The following RCOR3 variants were observed in gnomAD, a reference collection of about 807,000 sequenced individuals.
RCOR3 encodes the protein REST corepressor 3.
Under a neutral mutation model 64.1 loss-of-function variants are expected in RCOR3, and 13 were observed. The ratio of observed to expected loss-of-function variants is 0.20; its 90% CI spans 0.13 to 0.32. The LOEUF is 0.32. Ranked by LOEUF, RCOR3 falls within the 10% of genes least tolerant of loss-of-function variation. RCOR3 has a pLI of 1.00. For missense variants in RCOR3, 489 were observed against 701.2 expected, an observed-to-expected ratio of 0.70 and a Z score of 3.42; for synonymous variants, 215 against 239.0, an observed-to-expected ratio of 0.90 and a Z score of 0.93.
chr1:211,299,668 C>T (rs1273953466), intron 9 of RCOR3, among the ~76,000 whole-genome samples: 1 of 152,188 alleles, frequency 6.6e-6, no homozygotes, highest in African/African-American at 2.4e-5. Flanking sequence ...ATGCCGAATT[C>T]ACTAAGCGTG....
intron 5 of RCOR3, among the ~76,000 whole-genome samples, chr1:211,277,574 A>G (rs1464038120): frequency 1.3e-5 from 2 of 152,246 alleles, no homozygotes; most frequent in African/African-American, 2.4e-5. Context: ...AAAAGGTCAC[A>G]TATTGTATGA....
chr1:211,300,071 C>CTTTTTTTT (rs11419492), intron 9 of RCOR3, among the ~76,000 whole-genome samples: 5 of 121,294 alleles, frequency 4.1e-5, no homozygotes, highest in South Asian at 2.7e-4. Context: ...TTCTTTCTTT[C>CTTTTTTTT]TTTTTTTTTT....
Position 211,259,501 on chromosome 1 carries a change from C to T in RCOR3, c.-60C>T, listed in dbSNP as rs1440937783. The T allele has an allele frequency of 3.3e-6, 5 of 1,515,336 alleles. No homozygotes were observed. In the African/African-American group the frequency reaches 4.3e-5, roughly 13 times the overall value. 93.9% of individuals were successfully genotyped at this position (1,515,336 alleles called of 1,614,324 possible). On this transcript the variant is annotated 5_prime_UTR_variant, in exon 1 of 12. Transcript: ENST00000419091. ...CCCTCCCGCCCGCGCTCTAAGCCAT[C>T]TCCGCCTTCACCCTGACGCCTGCCT...
At chr1:211,291,594 CA>C (rs774231490) in intron 8 of RCOR3, 9 of 456,106 alleles carry the variant, frequency 2.0e-5, no homozygotes, top group Middle Eastern at 3.3e-4. Flanking sequence ...ATTCTGCTTA[CA>C]AAATGTAAGA....
rs1453506074 is a variant in RCOR3, at chr1:211,314,337, T to A, written c.*569T>A. The A allele has an allele frequency of 2.6e-5, 4 of 152,320 alleles. No individual in the cohort carries two copies. The East Asian group carries it at 7.7e-4, about 29-fold the overall frequency. 9.4% of individuals were successfully genotyped at this position (152,320 alleles called of 1,614,324 possible). A position where few individuals can be genotyped will look rare whatever the true frequency, so the allele number is the denominator to read the frequency against. On this transcript the variant is annotated 3_prime_UTR_variant, in exon 12 of 12. Transcript: ENST00000419091. ...TCCCTTCTTTCAAAAAATGTTGCTTTTTTTTTTAAAGGAATTTTAATATAT... is the reference window on the plus strand; with the variant it reads ...TCCCTTCTTTCAAAAAATGTTGCTTATTTTTTTAAAGGAATTTTAATATAT...
chr1:211,308,698 T>TTTTTTTTTTTTTTTTTTTTTTTGTG (rs1701171863), intron 10 of RCOR3, among the ~76,000 whole-genome samples: 2 of 40,846 alleles, frequency 4.9e-5, no homozygotes, highest in African/African-American at 1.4e-4. Context: ...TTTTTTTTTT[T>TTTTTTTTTTTTTTTTTTTTTTTGTG]TGTGTAGTCC....
chr1:211,260,274 T>G, intron 2 of RCOR3, 110 bp downstream of exon 2: 1 of 931,636 alleles, frequency 1.1e-6, no homozygotes. Flanking sequence ...GGGGTTGGGC[T>G]GGGCAGGCAT....
chr1:211,284,270 C>T (rs1049582456), intron 7 of RCOR3, among the ~76,000 whole-genome samples: 6 of 151,542 alleles, frequency 4.0e-5, no homozygotes, highest in African/African-American at 1.2e-4. Context: ...TTAGTAGAGA[C>T]GGTGTTTCAC....
rs1169027295 is a variant in RCOR3, at chr1:211,274,626, T to TTA, written c.354+367_354+368dup. On this transcript the variant is annotated intron_variant, in intron 4 of 11. Coordinates refer to ENST00000419091, the MANE Select transcript of RCOR3 (RefSeq NM_001136223.3). ...TAGAACTTTAAAACAAATCTTTTCT[T>TTA]TATAAAAAATTTTAATGATACAGGT... Among the ~76,000 whole-genome samples, 7 of 152,196 alleles carry TTA rather than the reference T, an allele frequency of 4.6e-5. No individual in the cohort carries two copies. In the East Asian group the frequency reaches 1.2e-3, roughly 25 times the overall value.
At position 211,278,144 on chromosome 1, in the gene RCOR3, G is replaced by A; in HGVS notation, c.544G>A (p.Val182Ile). ...TCCAGATAAGACAATTGCAAGCCTT[G>A]TAAAATATTACTATTCTTGGAAAAA... ...MLPDKTIASL[V>I]KYYYSWKKTR... is the part of the protein sequence containing the mutation. Residue 182 changes from valine to isoleucine, a missense_variant, in exon 6 of 12, where the codon GTA (valine) becomes ATA (isoleucine). Physicochemically the swap from Val to Ile is conservative, Grantham distance 29. Around this residue, in one of 2 missense-constraint regions of RCOR3, gnomAD observed 402 missense variants for 617.0 expected, o/e 0.65. Coordinates refer to ENST00000419091, the MANE Select transcript of RCOR3 (RefSeq NM_001136223.3). 1 of 1,603,896 alleles carries A rather than the reference G, an allele frequency of 6.2e-7. No homozygotes were observed. The highest frequency in any genetic ancestry group is 8.5e-7 in the Non-Finnish European group (1 of 1,176,778).
At chr1:211,300,787 G>A (rs897555903) in intron 9 of RCOR3, among the ~76,000 whole-genome samples, 1 of 152,182 alleles carries the variant, frequency 6.6e-6, no homozygotes, top group African/African-American at 2.4e-5. Context: ...TTTATTGAAT[G>A]TATGCCCCAC....
chr1:211,267,614 C>G (rs1695423572), intron 2 of RCOR3, among the ~76,000 whole-genome samples: 1 of 152,118 alleles, frequency 6.6e-6, no homozygotes, highest in South Asian at 2.1e-4. Flanking sequence ...TTTATTGAGA[C>G]AGGGTCTTGC....
intron 10 of RCOR3, among the ~76,000 whole-genome samples, chr1:211,308,684 GTT>G (rs71585833): frequency 4.8e-5 from 2 of 42,036 alleles, no homozygotes; most frequent in Admixed American, 3.0e-4. Flanking sequence ...TTTTTTTTTT[GTT>G]TTTTTTTTTT....
chr1:211,259,852 G>C (rs1693878104), intron 1 of RCOR3, 126 bp downstream of exon 1: 3 of 1,080,032 alleles, frequency 2.8e-6, no homozygotes, highest in African/African-American at 3.9e-5. Context: ...CGGTAGCCTC[G>C]AACTCCCGGT....
chr1:211,291,994 A>C (rs1245289398), intron 8 of RCOR3, among the ~76,000 whole-genome samples: 2 of 152,160 alleles, frequency 1.3e-5, no homozygotes, highest in Non-Finnish European at 2.9e-5. Context: ...GGTTGTGTGT[A>C]TCTGTAGTGT....
At chr1:211,311,363 G>A (rs1052136354) in intron 10 of RCOR3, among the ~76,000 whole-genome samples, 1 of 152,024 alleles carries the variant, frequency 6.6e-6, no homozygotes, top group African/African-American at 2.4e-5. Flanking sequence ...CTTAAAAATG[G>A]GATATAATTA....
intron 2 of RCOR3, among the ~76,000 whole-genome samples, chr1:211,264,461 C>T (rs115995313): frequency 0.018 from 2,742 of 152,196 alleles, 73 homozygotes; most frequent in African/African-American, 0.063. Context: ...GTGAGAGGAT[C>T]GCTTGAGCCC....
chr1:211,281,809 C>G (rs1317449534), intron 7 of RCOR3, among the ~76,000 whole-genome samples: 2 of 152,128 alleles, frequency 1.3e-5, no homozygotes, highest in Non-Finnish European at 2.9e-5. Context: ...CCTTATTTCT[C>G]CTTAAATCTG....
chr1:211,276,447 C>T (rs1002823051), intron 5 of RCOR3, 29 bp downstream of exon 5: 3 of 1,581,500 alleles, frequency 1.9e-6, no homozygotes, highest in Non-Finnish European at 2.6e-6. Context: ...TACTGTGGTT[C>T]ATATGTGAAT....
Sources: allele counts gnomAD v4.1 joint callset (sites outside exome capture counted in the v4.1 genomes callset), GRCh38; gene constraint gnomAD v4.1.1; regional missense constraint gnomAD v4.1.1; transcripts MANE v1.5; gene names NCBI Gene and HGNC (gene_info 2026-07-23, HGNC 2026-07-21).